Variants in COG5 observed in about 807,000 individuals in gnomAD.
The protein encoded by COG5 is component of oligomeric golgi complex 5, also known as conserved oligomeric Golgi complex subunit 5.
COG5 carries 86 observed loss-of-function variants against 110.4 expected under a neutral mutation model. The observed-to-expected ratio is 0.78, with a 90% CI of 0.65 to 0.93. COG5 has a LOEUF of 0.93. COG5 is among the 40% of genes least tolerant of loss of function. The pLI is 0.00. For synonymous variants in COG5, 360 were observed against 334.6 expected (o/e 1.08, Z -0.83); for missense variants, 1,077 against 987.0 (o/e 1.09, Z -1.22).
chr7:107,306,631 G>T (rs1807738974), intron 11 of COG5, among the ~76,000 whole-genome samples: 1 of 152,106 alleles, frequency 6.6e-6, no homozygotes, highest in Admixed American at 6.6e-5. Flanking sequence ...GCAACACAAA[G>T]TTATGGAATC....
chr7:107,242,426 A>G (rs1438586488), intron 17 of COG5, among the ~76,000 whole-genome samples: 5 of 152,172 alleles, frequency 3.3e-5, no homozygotes, highest in Non-Finnish European at 5.9e-5. Flanking sequence ...AAGTGGCCAG[A>G]CTGTTACATG....
intron 14 of COG5, among the ~76,000 whole-genome samples, chr7:107,266,458 G>A (rs1562941204): frequency 6.6e-6 from 1 of 152,072 alleles, no homozygotes; most frequent in Non-Finnish European, 1.5e-5. Flanking sequence ...TCTGCTTTTA[G>A]TGACTTCATC....
At chr7:107,342,303 T>C (rs539712987) in intron 10 of COG5, among the ~76,000 whole-genome samples, 4 of 128,834 alleles carry the variant, frequency 3.1e-5, no homozygotes, top group African/African-American at 1.2e-4. Context: ...GAAATGCAAA[T>C]CAAAACCACA....
At chr7:107,318,698 A>G (rs1340584696) in intron 11 of COG5, among the ~76,000 whole-genome samples, 3 of 152,152 alleles carry the variant, frequency 2.0e-5, no homozygotes, top group African/African-American at 4.8e-5. Flanking sequence ...GTGTACATAG[A>G]GAGTGAGTAA....
At chr7:107,473,972 G>A in intron 6 of COG5, 1 of 599,348 alleles carries the variant, frequency 1.7e-6, no homozygotes, top group Non-Finnish European at 2.9e-6. Flanking sequence ...TTCTTACAAA[G>A]AACACGTTAT....
At chr7:107,396,480 T>C (rs1309364037) in intron 7 of COG5, among the ~76,000 whole-genome samples, 2 of 138,126 alleles carry the variant, frequency 1.4e-5, no homozygotes, top group African/African-American at 5.4e-5. Flanking sequence ...AGCCTTTATT[T>C]TGAAGAGAGG....
chr7:107,372,804 A>C (rs1223977192), intron 7 of COG5, 44 bp from the exon 8 acceptor site: 1 of 1,587,106 alleles, frequency 6.3e-7, no homozygotes, highest in Non-Finnish European at 8.6e-7. Flanking sequence ...ATAAATAGGA[A>C]AACAAACAAA....
intron 6 of COG5, among the ~76,000 whole-genome samples, chr7:107,434,807 A>G (rs1006826113): frequency 6.6e-6 from 1 of 152,036 alleles, no homozygotes. Flanking sequence ...TGTCTCTACT[A>G]AAAATACAAA....
intron 6 of COG5, among the ~76,000 whole-genome samples, chr7:107,524,075 A>G (rs1347239125): frequency 1.3e-5 from 2 of 152,240 alleles, no homozygotes; most frequent in African/African-American, 2.4e-5. Flanking sequence ...GCTATGATCT[A>G]TCAATGGAAT....
intron 12 of COG5, among the ~76,000 whole-genome samples, chr7:107,294,668 C>A (rs1806445907): frequency 6.6e-6 from 1 of 150,450 alleles, no homozygotes; most frequent in East Asian, 2.0e-4. Context: ...TCCAGCTGCA[C>A]TGGCTTCTTT....
rs538789732 is a variant in COG5, at chr7:107,285,922, T to C, written c.1314-2190A>G. On this transcript the variant is annotated intron_variant, in intron 12 of 21. Coordinates refer to ENST00000297135, the MANE Select transcript of COG5 (RefSeq NM_006348.5). Reference sequence around the variant, plus strand: ...AGCTTACACAGTAACAGGAGAGATATACACAAAAATAAAAATTTAAAATAA... The same window carrying C: ...AGCTTACACAGTAACAGGAGAGATACACACAAAAATAAAAATTTAAAATAA... Among the ~76,000 whole-genome samples, 20 of 151,054 alleles carry C rather than the reference T, an allele frequency of 1.3e-4. No homozygotes were observed. In the East Asian group the frequency reaches 3.3e-3, roughly 25 times the overall value.
At chr7:107,540,546 C>T (rs1801903384) in intron 5 of COG5, among the ~76,000 whole-genome samples, 1 of 150,710 alleles carries the variant, frequency 6.6e-6, no homozygotes, top group Non-Finnish European at 1.5e-5. Context: ...CCACTATACT[C>T]CAGCCCAAGT....
intron 12 of COG5, among the ~76,000 whole-genome samples, chr7:107,284,939 T>A (rs145165516): frequency 1.6e-3 from 241 of 152,318 alleles, no homozygotes; most frequent in African/African-American, 5.5e-3. Flanking sequence ...AACCTGCTCC[T>A]TCATGTATAT....
chr7:107,378,639 A>G (rs1051622242), intron 7 of COG5, among the ~76,000 whole-genome samples: 8 of 152,230 alleles, frequency 5.3e-5, no homozygotes, highest in African/African-American at 1.9e-4. Context: ...CACAAGTATC[A>G]ACAGCCGAAA....
chr7:107,310,909 T>C (rs1808172673), intron 11 of COG5, among the ~76,000 whole-genome samples: 1 of 152,088 alleles, frequency 6.6e-6, no homozygotes, highest in Admixed American at 6.6e-5. Flanking sequence ...TCAATAAAAG[T>C]TCTCAGCACA....
chr7:107,520,136 G>T (rs1384473876), intron 6 of COG5, among the ~76,000 whole-genome samples: 1 of 152,098 alleles, frequency 6.6e-6, no homozygotes, highest in East Asian at 1.9e-4. Context: ...GGTACTGATG[G>T]AACATATCTC....
At chr7:107,427,672 C>T (rs1793739552) in intron 6 of COG5, among the ~76,000 whole-genome samples, 1 of 152,042 alleles carries the variant, frequency 6.6e-6, no homozygotes, top group South Asian at 2.1e-4. Flanking sequence ...CCACTGGAGA[C>T]ATCCTACCCA....
At chr7:107,405,852 G>A (rs2299426) in intron 7 of COG5, among the ~76,000 whole-genome samples, 13,206 of 152,092 alleles carry the variant, frequency 0.087, 1,534 homozygotes, top group African/African-American at 0.26. Flanking sequence ...GAAGCTTGAG[G>A]GTGCCTTTGC....
intron 10 of COG5, among the ~76,000 whole-genome samples, chr7:107,344,258 C>T (rs772972043): frequency 6.6e-6 from 1 of 152,120 alleles, no homozygotes; most frequent in Non-Finnish European, 1.5e-5. Context: ...AATAACTTGC[C>T]ATAGTTTCTA....
Sources: allele counts gnomAD v4.1 joint callset (sites outside exome capture counted in the v4.1 genomes callset), GRCh38; gene constraint gnomAD v4.1.1; transcripts MANE v1.5; gene names NCBI Gene and HGNC (gene_info 2026-07-23, HGNC 2026-07-21).